Variants in NCAM2 observed in about 807,000 individuals in gnomAD.
NCAM2 encodes neural cell adhesion molecule 2.
In NCAM2, 30 loss-of-function variants were observed where a neutral mutation model predicts 98.1. The observed-to-expected ratio is 0.31, with a 90% CI of 0.23 to 0.41. NCAM2 has a LOEUF of 0.41. Ranked by LOEUF, NCAM2 falls within the 10% of genes least tolerant of loss-of-function variation. The pLI is 1.00. For synonymous variants in NCAM2, 368 were observed against 342.4 expected (o/e 1.07, Z -0.83); for missense variants, 867 against 1,005.8 (o/e 0.86, Z 1.87).
intron 6 of NCAM2, among the ~76,000 whole-genome samples, chr21:21,330,801 A>C (rs540172409): frequency 2.6e-5 from 4 of 152,256 alleles, no homozygotes; most frequent in Admixed American, 1.3e-4. Flanking sequence ...AGGATGGAAA[A>C]AAATGATACC....
At chr21:21,151,698 C>A (rs1030631226) in intron 1 of NCAM2, among the ~76,000 whole-genome samples, 3 of 151,944 alleles carry the variant, frequency 2.0e-5, no homozygotes, top group African/African-American at 7.2e-5. Flanking sequence ...TTGTAATAAA[C>A]TTGGGTCCTG....
intron 15 of NCAM2, among the ~76,000 whole-genome samples, chr21:21,486,833 G>A (rs1314396919): frequency 6.6e-6 from 1 of 152,082 alleles, no homozygotes; most frequent in African/African-American, 2.4e-5. Flanking sequence ...ATTTTGAAAA[G>A]AACCTAATAT....
chr21:21,363,316 C>G (rs918856210), intron 8 of NCAM2, among the ~76,000 whole-genome samples: 4 of 151,998 alleles, frequency 2.6e-5, no homozygotes, highest in Non-Finnish European at 4.4e-5. Flanking sequence ...ACATGGCTAG[C>G]TTTGTTTAGA....
intron 5 of NCAM2, among the ~76,000 whole-genome samples, chr21:21,307,275 G>A (rs182876901): frequency 8.5e-4 from 129 of 151,774 alleles, no homozygotes; most frequent in East Asian, 2.1e-3. Flanking sequence ...ACTATAACTC[G>A]TTCTTATTTT....
intron 1 of NCAM2, among the ~76,000 whole-genome samples, chr21:21,201,758 C>A (rs1298754020): frequency 6.6e-6 from 1 of 152,136 alleles, no homozygotes; most frequent in African/African-American, 2.4e-5. Context: ...TAAGGAGATG[C>A]AGTCACTCCA....
At chr21:21,402,497 A>C (rs528632088) in intron 9 of NCAM2, among the ~76,000 whole-genome samples, 1 of 152,252 alleles carries the variant, frequency 6.6e-6, no homozygotes, top group South Asian at 2.1e-4. Flanking sequence ...GTTTATCAAG[A>C]CAATACGTGC....
rs139390737 is a variant in NCAM2, at chr21:21,286,715, C to G, written c.481+303C>G. On this transcript the variant is annotated intron_variant, in intron 4 of 17. Coordinates refer to ENST00000400546, the MANE Select transcript of NCAM2 (RefSeq NM_004540.5). ...GCTAAAAAAAATATACAATCATTAGCCTAAAAAAATGTACAATCGTTAGCC... is the reference window on the plus strand; with the variant it reads ...GCTAAAAAAAATATACAATCATTAGGCTAAAAAAATGTACAATCGTTAGCC... Among the ~76,000 whole-genome samples, 9 of 151,526 alleles carry G rather than the reference C, an allele frequency of 5.9e-5. No homozygotes were observed. The Admixed American group carries it at 5.9e-4, about 10-fold the overall frequency.
intron 1 of NCAM2, among the ~76,000 whole-genome samples, chr21:21,058,566 A>G (rs1438741419): frequency 6.6e-6 from 1 of 151,866 alleles, no homozygotes; most frequent in Non-Finnish European, 1.5e-5. Context: ...CAAGTATTTT[A>G]TTTACCTGTG....
intron 1 of NCAM2, among the ~76,000 whole-genome samples, chr21:21,118,967 A>T (rs1268176691): frequency 6.6e-6 from 1 of 152,154 alleles, no homozygotes; most frequent in Non-Finnish European, 1.5e-5. Context: ...AGTGAGCACG[A>T]ATGTAAATAT....
Position 21,411,047 on chromosome 21 carries a change from TGTG to T in NCAM2, c.1383+587_1383+589del, listed in dbSNP as rs1191920320. Reference sequence around the variant, plus strand: ...ATATATATATACACACATATATATATGTGTGTGTATATATATATATATACACAC... The same window carrying T: ...ATATATATATACACACATATATATATTGTGTATATATATATATATACACAC... On this transcript the variant is annotated intron_variant, in intron 10 of 17. Transcript: ENST00000400546. 2.9e-4 allele frequency among the ~76,000 whole-genome samples: 12 copies of T among 41,382 alleles called. 1 individual carries two copies. The highest frequency in any genetic ancestry group is 2.6e-4 in the Admixed American group (1 of 3,858). 27.1% of individuals were successfully genotyped at this position (41,382 alleles called of 152,430 possible).
chr21:21,245,676 C>T (rs145426298), intron 1 of NCAM2, among the ~76,000 whole-genome samples: 59 of 152,290 alleles, frequency 3.9e-4, no homozygotes, highest in African/African-American at 1.4e-3. Flanking sequence ...GTTGTAAACA[C>T]CAAAGTTCAT....
intron 1 of NCAM2, among the ~76,000 whole-genome samples, chr21:21,249,447 A>T (rs1389403377): frequency 6.6e-5 from 10 of 152,148 alleles, no homozygotes; most frequent in Admixed American, 3.3e-4. Flanking sequence ...CAACCAGGGC[A>T]GTTAGTTCGA....
chr21:21,026,352 AACTT>A (rs749145699), intron 1 of NCAM2, among the ~76,000 whole-genome samples: 10 of 152,328 alleles, frequency 6.6e-5, no homozygotes, highest in Middle Eastern at 3.4e-3. Flanking sequence ...TCTCCATGAA[AACTT>A]ACTTAAAAAT....
At chr21:21,392,762 T>A (rs1282866207) in intron 9 of NCAM2, among the ~76,000 whole-genome samples, 1 of 152,218 alleles carries the variant, frequency 6.6e-6, no homozygotes, top group East Asian at 1.9e-4. Context: ...TTGAGAAGTG[T>A]CTGTTCATGT....
chr21:21,068,854 A>C (rs2146355598), intron 1 of NCAM2, among the ~76,000 whole-genome samples: 1 of 152,218 alleles, frequency 6.6e-6, no homozygotes, highest in Admixed American at 6.5e-5. Context: ...CTTTATATAT[A>C]TCTAAAATTT....
chr21:21,520,149 TA>T (rs376804934), intron 16 of NCAM2, among the ~76,000 whole-genome samples: 166 of 152,232 alleles, frequency 1.1e-3, no homozygotes, highest in African/African-American at 3.7e-3. Context: ...GCATTAATAT[TA>T]AAAATATTTA....
rs1470831824 is a variant in NCAM2 at position 21,392,677 on chromosome 21, C to T, written c.1196-17597C>T. On this transcript the variant is annotated intron_variant, in intron 9 of 17. Transcript: ENST00000400546. ...TGAGATGGGTATCTCATTGTGGTTTCGATTTGCATTTCCCTAATGATCAGT... is the reference window on the plus strand; with the variant it reads ...TGAGATGGGTATCTCATTGTGGTTTTGATTTGCATTTCCCTAATGATCAGT... 3.9e-5 allele frequency among the ~76,000 whole-genome samples: 6 copies of T among 151,994 alleles called. No individual in the cohort carries two copies. In the South Asian group the frequency reaches 8.3e-4, roughly 21 times the overall value.
intron 1 of NCAM2, among the ~76,000 whole-genome samples, chr21:21,026,754 T>A (rs80253218): frequency 1 from 151,580 of 152,278 alleles, 75,449 homozygotes; most frequent in East Asian, 1. Context: ...CATTTGTTTT[T>A]TCTCATTTTG....
intron 15 of NCAM2, among the ~76,000 whole-genome samples, chr21:21,480,542 G>A (rs1313978812): frequency 6.6e-6 from 1 of 152,082 alleles, no homozygotes; most frequent in Non-Finnish European, 1.5e-5. Context: ...GGCATGTGTG[G>A]AAGAGAACCT....
Sources: allele counts gnomAD v4.1 joint callset (sites outside exome capture counted in the v4.1 genomes callset), GRCh38; gene constraint gnomAD v4.1.1; transcripts MANE v1.5; gene names NCBI Gene and HGNC (gene_info 2026-07-23, HGNC 2026-07-21).